The following CRLS1 variants were observed in gnomAD, a reference collection of about 807,000 sequenced individuals.
The protein encoded by CRLS1 is cardiolipin synthase 1.
A neutral mutation model predicts 37.0 loss-of-function variants in CRLS1; 24 were observed. The ratio of observed to expected loss-of-function variants is 0.65; its 90% CI spans 0.47 to 0.91. CRLS1 has a LOEUF of 0.91. CRLS1 is among the 40% of genes least tolerant of loss of function. CRLS1 has a pLI of 0.00. For synonymous variants in CRLS1, 135 were observed against 159.7 expected, an observed-to-expected ratio of 0.85 and a Z score of 1.17; for missense variants, 373 against 395.8, an observed-to-expected ratio of 0.94 and a Z score of 0.49.
intron 3 of CRLS1, among the ~76,000 whole-genome samples, chr20:6,020,627 CTT>C (rs918184731): frequency 2.1e-5 from 3 of 142,230 alleles, no homozygotes; most frequent in Non-Finnish European, 3.1e-5. Flanking sequence ...TTTAATCCTG[CTT>C]TTTTTTTTTT....
At chr20:6,007,485 A>G (rs1300534933) in intron 1 of CRLS1, 10 of 1,406,112 alleles carry the variant, frequency 7.1e-6, no homozygotes, top group Non-Finnish European at 3.0e-6. Context: ...AATGATTACA[A>G]ATTAATGAGA....
chr20:6,031,751 T>A (rs1486906332), intron 4 of CRLS1, among the ~76,000 whole-genome samples: 1 of 152,200 alleles, frequency 6.6e-6, no homozygotes, highest in African/African-American at 2.4e-5. Flanking sequence ...TATTTTTTAA[T>A]TCAAAAAAGA....
rs1980786988 is a variant in CRLS1, at chr20:6,039,175, A to T, written c.*2017A>T. Reference sequence around the variant, plus strand: ...TGCAGCGAATTTTAGTCGGGGCCTCATTCCTGAGCCCAAGTGACCCTTTCA... The same window carrying T: ...TGCAGCGAATTTTAGTCGGGGCCTCTTTCCTGAGCCCAAGTGACCCTTTCA... On this transcript the variant is annotated 3_prime_UTR_variant, in exon 7 of 7. Coordinates refer to ENST00000378863, the MANE Select transcript of CRLS1 (RefSeq NM_019095.6). The T allele has an allele frequency of 6.6e-6, 1 of 152,106 alleles. No homozygotes were observed. Among genetic ancestry groups the T allele is most frequent in the Non-Finnish European group, 1.5e-5 (1 of 68,032 alleles). 9.4% of individuals were successfully genotyped at this position (152,106 alleles called of 1,614,324 possible). A position where few individuals can be genotyped will look rare whatever the true frequency, so the allele number is the denominator to read the frequency against.
chr20:6,011,022 A>G (rs1316208618), intron 2 of CRLS1, among the ~76,000 whole-genome samples: 2 of 152,100 alleles, frequency 1.3e-5, no homozygotes, highest in South Asian at 2.1e-4. Context: ...GTCTCTTAAA[A>G]AAAAAAAAAG....
intron 3 of CRLS1, among the ~76,000 whole-genome samples, chr20:6,028,899 GTTT>G (rs1568628999): frequency 6.6e-6 from 1 of 152,226 alleles, no homozygotes; most frequent in African/African-American, 2.4e-5. Flanking sequence ...AATGAAAACT[GTTT>G]TAACTCTAGA....
chr20:6,014,201 A>G (rs998901817), intron 2 of CRLS1, among the ~76,000 whole-genome samples: 13 of 152,186 alleles, frequency 8.5e-5, no homozygotes, highest in Non-Finnish European at 1.6e-4. Flanking sequence ...TAGGTAATTT[A>G]TCTCTGTTTT....
intron 5 of CRLS1, 37 bp downstream of exon 5, chr20:6,032,117 G>A: frequency 6.6e-7 from 1 of 1,507,886 alleles, no homozygotes; most frequent in East Asian, 2.3e-5. Context: ...TTATTCCTTT[G>A]TAAATTTTTA....
intron 3 of CRLS1, among the ~76,000 whole-genome samples, chr20:6,021,065 CTTTT>C (rs148717152): frequency 7.0e-5 from 8 of 114,334 alleles, no homozygotes; most frequent in East Asian, 2.6e-4. Context: ...TGTTTTGTAT[CTTTT>C]TTTTTTTTTT....
intron 3 of CRLS1, among the ~76,000 whole-genome samples, chr20:6,022,689 T>A (rs1979375376): frequency 6.6e-6 from 1 of 152,196 alleles, no homozygotes. Context: ...TTTTTAAGAT[T>A]TTCTTTGTGT....
chr20:6,017,683 A>AGCT (rs2122954739), intron 3 of CRLS1, among the ~76,000 whole-genome samples: 1 of 152,312 alleles, frequency 6.6e-6, no homozygotes, highest in East Asian at 1.9e-4. Context: ...AAGAATCAGC[A>AGCT]ATTTTCCAGA....
At chr20:6,032,899 C>CAT (rs1309331029) in intron 5 of CRLS1, among the ~76,000 whole-genome samples, 2 of 151,916 alleles carry the variant, frequency 1.3e-5, no homozygotes, top group African/African-American at 4.8e-5. Context: ...CATCTACATG[C>CAT]ATAGGGTTTG....
intron 3 of CRLS1, among the ~76,000 whole-genome samples, chr20:6,024,094 A>C (rs1217644358): frequency 6.6e-6 from 1 of 152,044 alleles, no homozygotes; most frequent in Non-Finnish European, 1.5e-5. Context: ...CTGAGACTAC[A>C]GAGGTACACC....
chr20:6,034,541 T>C lies in CRLS1; in HGVS notation c.807T>C (p.Tyr269=). 1 of 1,610,804 alleles carries C rather than the reference T, an allele frequency of 6.2e-7. No homozygotes were observed. Among genetic ancestry groups the C allele is most frequent in the Non-Finnish European group, 8.5e-7 (1 of 1,178,036 alleles). The change falls in exon 6 of 7, where the codon TAT becomes TAC. Residue 269 remains tyrosine (Y), a synonymous_variant. Transcript: ENST00000378863. The part of the protein sequence containing the change: ...APVFNYADSI[Y]LQILWCFTAF... ...TTTTCAACTATGCTGACAGCATTTA[T>C]CTTCAGATACTATGGTAAGCTAAAT...
intron 3 of CRLS1, among the ~76,000 whole-genome samples, chr20:6,023,892 A>G (rs1979468129): frequency 6.6e-6 from 1 of 151,784 alleles, no homozygotes; most frequent in Admixed American, 6.6e-5. Flanking sequence ...TGGCAACCCT[A>G]TGTCCACAAG....
chr20:6,016,361 C>T (rs1040012490), intron 3 of CRLS1, among the ~76,000 whole-genome samples: 1 of 152,072 alleles, frequency 6.6e-6, no homozygotes, highest in African/African-American at 2.4e-5. Context: ...TTTAAGTTCT[C>T]GTACCAAAAT....
At chr20:6,010,841 AG>A (rs2090122703) in intron 2 of CRLS1, among the ~76,000 whole-genome samples, 1 of 152,202 alleles carries the variant, frequency 6.6e-6, no homozygotes, top group African/African-American at 2.4e-5. Context: ...ACATAGCAAG[AG>A]CCTATCTCTA....
intron 3 of CRLS1, among the ~76,000 whole-genome samples, chr20:6,027,862 C>T (rs961904299): frequency 6.6e-6 from 1 of 152,278 alleles, no homozygotes; most frequent in East Asian, 1.9e-4. Context: ...ACGCTTGGGG[C>T]GGGGATCTAA....
rs1399116457 is a variant in CRLS1 at position 6,037,938 on chromosome 20, A to G, written c.*780A>G. ...GTTTGATATTGGAACCTGGATTCATATTTTATGTAAATAATATCAAGCTGT... is the reference window on the plus strand; with the variant it reads ...GTTTGATATTGGAACCTGGATTCATGTTTTATGTAAATAATATCAAGCTGT... On this transcript the variant is annotated 3_prime_UTR_variant, in exon 7 of 7. Transcript: ENST00000378863. 1 of 152,280 alleles carries G rather than the reference A, an allele frequency of 6.6e-6. No homozygotes were observed. The highest frequency in any genetic ancestry group is 1.9e-4 in the East Asian group (1 of 5,188). The allele number at this position is 152,280 out of a possible 1,614,324, so 9.4% of individuals were successfully genotyped here.
intron 3 of CRLS1, among the ~76,000 whole-genome samples, chr20:6,018,429 C>T (rs1409797635): frequency 6.6e-6 from 1 of 151,700 alleles, no homozygotes; most frequent in African/African-American, 2.4e-5. Context: ...GTCCTTTTAC[C>T]CTTTGTTTCT....
Sources: allele counts gnomAD v4.1 joint callset (sites outside exome capture counted in the v4.1 genomes callset), GRCh38; gene constraint gnomAD v4.1.1; transcripts MANE v1.5; gene names NCBI Gene and HGNC (gene_info 2026-07-23, HGNC 2026-07-21).